The following BLM variants were observed in gnomAD, a reference collection of about 807,000 sequenced individuals.
BLM encodes the protein recQ-like DNA helicase BLM.
In BLM, 95 loss-of-function variants were observed where a neutral mutation model predicts 135.3. That is an observed-to-expected ratio of 0.70 (90% CI 0.59 to 0.83). The LOEUF (loss-of-function observed/expected upper bound fraction) is 0.83, where lower values mean the gene tolerates loss of function less well. Ranked by LOEUF, BLM falls within the 40% of genes least tolerant of loss-of-function variation. The pLI, the probability that BLM is intolerant of heterozygous loss-of-function variation, is 0.00. For missense variants in BLM, 1,518 were observed against 1,663.9 expected (o/e 0.91, Z 1.53); for synonymous variants, 520 against 589.2 (o/e 0.88, Z 1.70).
intron 14 of BLM, among the ~76,000 whole-genome samples, chr15:90,788,899 G>A (rs964493362): frequency 4.0e-5 from 6 of 151,576 alleles, no homozygotes; most frequent in African/African-American, 1.5e-4. Context: ...CTTGAACCCT[G>A]GAGGTGGAGG....
At chr15:90,798,043 A>G in intron 16 of BLM, 147 bp from the exon 17 acceptor site, 1 of 619,424 alleles carries the variant, frequency 1.6e-6, no homozygotes, top group Non-Finnish European at 2.7e-6. Flanking sequence ...TTAGATAAGA[A>G]TGAACATTTG....
Position 90,811,392 on chromosome 15 carries a change from T to C in BLM, c.4062T>C (p.Gly1354=). 6.2e-7 allele frequency: 1 copy of C among 1,614,206 alleles called. No homozygotes were observed. The highest frequency in any genetic ancestry group is 8.5e-7 in the Non-Finnish European group (1 of 1,180,018). Residue 1354 remains glycine (G), a synonymous_variant, in exon 21 of 22, where the codon GGT becomes GGC. Coordinates refer to ENST00000355112, the MANE Select transcript of BLM (RefSeq NM_000057.4). The part of the protein sequence containing the change: ...RSKRRKTASS[G]SKAKGGSATC... ...AGAGGAGAAAAACTGCTTCCAGTGG[T>C]TCCAAGGCAAAGGGGTATGTTTTGT... is the stretch of plus-strand genomic sequence containing the variant.
At chr15:90,734,652 TACAC>T (rs887111562) in intron 1 of BLM, among the ~76,000 whole-genome samples, 15 of 118,170 alleles carry the variant, frequency 1.3e-4, no homozygotes, top group Admixed American at 7.3e-4. Context: ...CACGCACACA[TACAC>T]ACACACGCGC....
chr15:90,773,442 G>C (rs1279034533), intron 12 of BLM, among the ~76,000 whole-genome samples: 2 of 149,814 alleles, frequency 1.3e-5, no homozygotes, highest in Non-Finnish European at 3.0e-5. Context: ...ACAAAAAAAG[G>C]CTTAAACAGC....
At chr15:90,804,468 T>C (rs1897242178) in intron 19 of BLM, 109 bp downstream of exon 19, 1 of 1,301,034 alleles carries the variant, frequency 7.7e-7, no homozygotes, top group Non-Finnish European at 1.1e-6. Flanking sequence ...TTGTTTCTTT[T>C]TGGGGTTTGT....
chr15:90,797,355 G>T (rs1362864174), intron 16 of BLM, among the ~76,000 whole-genome samples: 2 of 146,516 alleles, frequency 1.4e-5, no homozygotes, highest in African/African-American at 2.6e-5. Flanking sequence ...GGTGGAGGTT[G>T]CAGGGAGCCA....
chr15:90,815,631 C>A lies in BLM; in HGVS notation c.*352C>A. On this transcript the variant is annotated 3_prime_UTR_variant, in exon 22 of 22. Transcript: ENST00000355112. The surrounding 1 kb of genome is among the most constrained non-coding windows in gnomAD (Gnocchi z 4.6). ...CTAAAGCTTTTCGTGTAAGACAACA[C>A]AAACAAAATTTAAAGACAAATGACG... 1 of 296,404 alleles carries A rather than the reference C, an allele frequency of 3.4e-6. No homozygotes were observed. The highest frequency in any genetic ancestry group is 4.6e-5 in the South Asian group (1 of 21,744). The allele number at this position is 296,404 out of a possible 1,614,324, so 18.4% of individuals were successfully genotyped here.
Position 90,749,918 on chromosome 15 carries a change from A to C in BLM, c.650A>C (p.Gln217Pro), listed in dbSNP as rs1895630967. ...DLPPPSSESE[Q>P]IDLTEEQKDD... Reference sequence around the variant, plus strand: ...CCTCCACCCTCCTCTGAAAGCGAGCAAATAGATTTGACTGAGGAACAGAAG... The same window carrying C: ...CCTCCACCCTCCTCTGAAAGCGAGCCAATAGATTTGACTGAGGAACAGAAG... Residue 217 changes from glutamine to proline, a missense_variant, in exon 3 of 22, where the codon CAA becomes CCA. Physicochemically the swap from Gln to Pro is moderately conservative, Grantham distance 76 (BLOSUM62 -1). Around this residue, in one of 5 missense-constraint regions of BLM, gnomAD observed 724 missense variants for 756.9 expected, o/e 0.96. Coordinates refer to ENST00000355112, the MANE Select transcript of BLM (RefSeq NM_000057.4). The C allele has an allele frequency of 1.9e-6, 3 of 1,613,498 alleles. No individual in the cohort carries two copies. Among genetic ancestry groups the C allele is most frequent in the African/African-American group, 2.7e-5 (2 of 75,044 alleles).
At chr15:90,725,564 G>T (rs1315392302) in intron 1 of BLM, among the ~76,000 whole-genome samples, 1 of 151,016 alleles carries the variant, frequency 6.6e-6, no homozygotes, top group African/African-American at 2.4e-5. Flanking sequence ...CACCATCTCG[G>T]CTCACTGCAA....
chr15:90,791,577 A>T (rs766648798), intron 15 of BLM, among the ~76,000 whole-genome samples: 45 of 152,116 alleles, frequency 3.0e-4, no homozygotes, highest in Non-Finnish European at 5.6e-4. Context: ...TGTTATCAAC[A>T]ATGCAGTATT....
chr15:90,810,376 T>C (rs1897384559), intron 20 of BLM, among the ~76,000 whole-genome samples: 1 of 152,132 alleles, frequency 6.6e-6, no homozygotes, highest in African/African-American at 2.4e-5. Flanking sequence ...AATTCTTCTA[T>C]ATGGTAATTA....
At chr15:90,795,172 T>C (rs537113813) in intron 16 of BLM, among the ~76,000 whole-genome samples, 1 of 152,308 alleles carries the variant, frequency 6.6e-6, no homozygotes, top group South Asian at 2.1e-4. Flanking sequence ...CCGACATACA[T>C]GTGTTCATAG....
rs182127901 is a variant in BLM at position 90,801,877 on chromosome 15, G to A, written c.3359-1644G>A. On this transcript the variant is annotated intron_variant, in intron 17 of 21. Coordinates refer to ENST00000355112, the MANE Select transcript of BLM (RefSeq NM_000057.4). ...TCAAGATCAGCCTGAGCAACCTGGC[G>A]AAACCCTGTCTCTACCAAAAATACA... 1.6e-3 allele frequency among the ~76,000 whole-genome samples: 240 copies of A among 152,176 alleles called. 1 individual carries two copies. Among genetic ancestry groups the A allele is most frequent in the Middle Eastern group, 3.4e-3 (1 of 294 alleles).
chr15:90,733,539 G>A (rs1047252584), intron 1 of BLM, among the ~76,000 whole-genome samples: 3 of 152,180 alleles, frequency 2.0e-5, no homozygotes, highest in African/African-American at 7.2e-5. Flanking sequence ...TTTCCAAATG[G>A]CTTGGTATTG....
intron 1 of BLM, among the ~76,000 whole-genome samples, chr15:90,738,672 G>T (rs1236194580): frequency 2.6e-5 from 4 of 152,126 alleles, no homozygotes; most frequent in Admixed American, 6.6e-5. Flanking sequence ...CTTCACCAAA[G>T]AAGATATACA....
At chr15:90,776,702 T>C (rs940082192) in intron 12 of BLM, among the ~76,000 whole-genome samples, 5 of 152,010 alleles carry the variant, frequency 3.3e-5, no homozygotes, top group Non-Finnish European at 7.4e-5. Context: ...TTATGTTTTT[T>C]GTTTGTGTTG....
intron 12 of BLM, among the ~76,000 whole-genome samples, chr15:90,774,623 C>G (rs2151171336): frequency 6.6e-6 from 1 of 151,318 alleles, no homozygotes; most frequent in East Asian, 2.0e-4. Context: ...CACCTGAGGT[C>G]AGGAGTTGGA....
intron 13 of BLM, 138 bp from the exon 14 acceptor site, chr15:90,784,783 C>A: frequency 1.1e-6 from 1 of 872,158 alleles, no homozygotes; most frequent in Non-Finnish European, 1.8e-6. Context: ...GAATTATTCA[C>A]GTGTGTGGTC....
chr15:90,782,979 G>T, intron 13 of BLM, 51 bp downstream of exon 13: 2 of 1,373,448 alleles, frequency 1.5e-6, no homozygotes, highest in Non-Finnish European at 2.1e-6. Flanking sequence ...TGTCTTTTTA[G>T]TACCACAATA....
Sources: gnomAD v4.1 joint callset for allele counts (sites outside exome capture counted in the v4.1 genomes callset) on GRCh38, gnomAD v4.1.1 for gene constraint, gnomAD v4.1.1 regional missense constraint, Gnocchi (gnomAD v3.1) non-coding constraint, MANE v1.5 for transcripts, NCBI Gene and HGNC (gene_info 2026-07-23, HGNC 2026-07-21) for gene names.